SLC35F4: variants seen among roughly 807,000 people sequenced by gnomAD.
The protein encoded by SLC35F4 is chromosome 14 open reading frame 36.
Under a neutral mutation model 44.2 loss-of-function variants are expected in SLC35F4, and 24 were observed. The observed-to-expected ratio is 0.54, with a 90% CI of 0.39 to 0.76. The LOEUF (loss-of-function observed/expected upper bound fraction) is 0.76, where lower values mean the gene tolerates loss of function less well. Among genes scored for constraint, SLC35F4 ranks in the 30% least tolerant of loss-of-function variants. The pLI, the probability that SLC35F4 is intolerant of heterozygous loss-of-function variation, is 0.00. For synonymous variants in SLC35F4, 238 were observed against 223.6 expected (o/e 1.06, Z -0.57); for missense variants, 562 against 586.1 (o/e 0.96, Z 0.42).
At chr14:57,790,947 C>T (rs527650350) in intron 1 of SLC35F4, among the ~76,000 whole-genome samples, 1 of 152,256 alleles carries the variant, frequency 6.6e-6, no homozygotes, top group Non-Finnish European at 1.5e-5. Context: ...AAAACTGAAA[C>T]TGGACCCATT....
At chr14:57,695,490 A>C (rs906740878) in intron 1 of SLC35F4, among the ~76,000 whole-genome samples, 2 of 151,602 alleles carry the variant, frequency 1.3e-5, no homozygotes, top group African/African-American at 4.8e-5. Context: ...CACACCAGTT[A>C]GAATGGCAAT....
intron 1 of SLC35F4, among the ~76,000 whole-genome samples, chr14:57,831,832 G>A (rs1303760746): frequency 6.6e-6 from 1 of 152,068 alleles, no homozygotes; most frequent in Non-Finnish European, 1.5e-5. Flanking sequence ...GCAATGAAGT[G>A]AAAAACCCTA....
intron 1 of SLC35F4, among the ~76,000 whole-genome samples, chr14:57,840,493 G>A (rs1282884597): frequency 6.6e-6 from 1 of 152,084 alleles, no homozygotes; most frequent in African/African-American, 2.4e-5. Flanking sequence ...TAGGTTTTCT[G>A]GAGAAGGAAA....
chr14:57,965,414 C>T (rs537389056), intron 1 of SLC35F4, among the ~76,000 whole-genome samples: 5 of 152,218 alleles, frequency 3.3e-5, no homozygotes, highest in South Asian at 2.1e-4. Context: ...AGGATAACCT[C>T]GCTATCTTGA....
chr14:57,851,064 G>T (rs991173990), intron 1 of SLC35F4, among the ~76,000 whole-genome samples: 2 of 152,106 alleles, frequency 1.3e-5, no homozygotes, highest in Non-Finnish European at 2.9e-5. Flanking sequence ...TTTTTAGAAG[G>T]TGTTAAGACT....
At chr14:57,815,019 T>C (rs950906574) in intron 1 of SLC35F4, among the ~76,000 whole-genome samples, 1 of 152,182 alleles carries the variant, frequency 6.6e-6, no homozygotes, top group Non-Finnish European at 1.5e-5. Flanking sequence ...TTTCATTGAA[T>C]ACAGTCATAC....
At chr14:57,759,201 G>C (rs2077065007) in intron 1 of SLC35F4, among the ~76,000 whole-genome samples, 3 of 152,186 alleles carry the variant, frequency 2.0e-5, no homozygotes, top group African/African-American at 7.2e-5. Flanking sequence ...TGGGAGTACA[G>C]ATAATTCTTT....
intron 1 of SLC35F4, among the ~76,000 whole-genome samples, chr14:57,916,613 C>T (rs1889334875): frequency 6.6e-6 from 1 of 152,160 alleles, no homozygotes; most frequent in African/African-American, 2.4e-5. Flanking sequence ...TCCCATCATG[C>T]ATATGTTACA....
intron 4 of SLC35F4, among the ~76,000 whole-genome samples, chr14:57,577,922 A>G (rs932589883): frequency 2.6e-5 from 4 of 152,212 alleles, no homozygotes; most frequent in Admixed American, 6.5e-5. Flanking sequence ...TAGATTACCA[A>G]TAAATGGGCT....
intron 1 of SLC35F4, among the ~76,000 whole-genome samples, chr14:57,977,584 A>G (rs1881256479): frequency 6.6e-6 from 1 of 152,228 alleles, no homozygotes; most frequent in Non-Finnish European, 1.5e-5. Context: ...TGGTACATTC[A>G]TTCAGAATGG....
chr14:57,572,758 C>A (rs74544945), intron 4 of SLC35F4, among the ~76,000 whole-genome samples: 7,280 of 152,250 alleles, frequency 0.048, 492 homozygotes, highest in African/African-American at 0.15. Context: ...TCATTGTTCA[C>A]TGTAAATTGA....
intron 1 of SLC35F4, among the ~76,000 whole-genome samples, chr14:57,653,889 A>G: frequency 6.6e-6 from 1 of 152,196 alleles, no homozygotes; most frequent in East Asian, 1.9e-4. Flanking sequence ...AGATCAAGGT[A>G]TTGATACAGT....
chr14:57,746,451 T>C (rs988226198), intron 1 of SLC35F4, among the ~76,000 whole-genome samples: 4 of 152,184 alleles, frequency 2.6e-5, no homozygotes, highest in African/African-American at 4.8e-5. Flanking sequence ...GTGGGTAACA[T>C]TGAATTGACT....
chr14:57,714,080 T>G (rs939781479), intron 1 of SLC35F4, among the ~76,000 whole-genome samples: 1 of 152,156 alleles, frequency 6.6e-6, no homozygotes, highest in Non-Finnish European at 1.5e-5. Context: ...ATATATGACA[T>G]GACATTTATT....
intron 1 of SLC35F4, among the ~76,000 whole-genome samples, chr14:57,672,289 A>T (rs1274963529): frequency 6.6e-6 from 1 of 152,100 alleles, no homozygotes. Context: ...TCCTGCAAAC[A>T]TCCCACTTTG....
At chr14:57,767,027 T>C (rs2077251699) in intron 1 of SLC35F4, among the ~76,000 whole-genome samples, 1 of 152,174 alleles carries the variant, frequency 6.6e-6, no homozygotes, top group Non-Finnish European at 1.5e-5. Flanking sequence ...GATCAATCCA[T>C]CAGGAAGACA....
chr14:57,654,627 C>A (rs2073902276), intron 1 of SLC35F4, among the ~76,000 whole-genome samples: 1 of 152,184 alleles, frequency 6.6e-6, no homozygotes, highest in African/African-American at 2.4e-5. Context: ...ATTGCTGGAT[C>A]AAATTGTAGT....
chr14:57,743,765 A>G (rs2076684041), intron 1 of SLC35F4, among the ~76,000 whole-genome samples: 1 of 152,236 alleles, frequency 6.6e-6, no homozygotes, highest in Non-Finnish European at 1.5e-5. Flanking sequence ...TGGCAAAGAC[A>G]CAACAAAAAA....
At chr14:57,654,827 T>G (rs2140213957) in intron 1 of SLC35F4, among the ~76,000 whole-genome samples, 1 of 152,336 alleles carries the variant, frequency 6.6e-6, no homozygotes, top group Admixed American at 6.5e-5. Flanking sequence ...AAGTTAGGAC[T>G]TCAACATGAA....
Sources: gnomAD v4.1 joint callset for allele counts (sites outside exome capture counted in the v4.1 genomes callset) on GRCh38, gnomAD v4.1.1 for gene constraint, MANE v1.5 for transcripts, NCBI Gene and HGNC (gene_info 2026-07-23, HGNC 2026-07-21) for gene names.